Variants in CD300LG observed in about 807,000 individuals in gnomAD.
CD300LG encodes CD300 molecule like family member g.
CD300LG carries 29 observed loss-of-function variants against 31.5 expected under a neutral mutation model. That is an observed-to-expected ratio of 0.92 (90% CI 0.68 to 1.25). The LOEUF is 1.25. Among genes scored for constraint, CD300LG ranks in the 50% most tolerant of loss-of-function variants. The probability of loss-of-function intolerance (pLI) is 0.00; values close to 1 mark genes in which losing one functional copy is unlikely to be tolerated. For synonymous variants in CD300LG, 175 were observed against 177.2 expected (o/e 0.99, Z 0.10); for missense variants, 396 against 417.6 (o/e 0.95, Z 0.45).
intron 6 of CD300LG, chr17:43,858,186 G>T: frequency 8.6e-7 from 1 of 1,169,004 alleles, no homozygotes; most frequent in Non-Finnish European, 1.1e-6. Context: ...GGTCTGGGGT[G>T]GAAATGGGAC....
chr17:43,852,756 G>T (rs2046395246), intron 2 of CD300LG, among the ~76,000 whole-genome samples, 156 bp from the exon 3 acceptor site: 1 of 152,232 alleles, frequency 6.6e-6, no homozygotes, highest in Non-Finnish European at 1.5e-5. Context: ...CCAGGGATCT[G>T]CTGGAACCCG....
At position 43,855,218 on chromosome 17, in the gene CD300LG, C is replaced by T. The variant is rs373605771; in HGVS notation, c.731C>T (p.Pro244Leu). ...CGTCTCGTCTCCAGGGTGTCCATCC[C>T]GATGGTCCGCATACTGGCCCCAGTC... ...SGSSKPRVSI[P>L]MVRILAPVLV... is the part of the protein sequence containing the mutation. Residue 244 changes from proline to leucine, a missense_variant, in exon 5 of 7, where the codon CCG (proline) becomes CTG (leucine). Transcript: ENST00000317310. The T allele has an allele frequency of 1.9e-6, 3 of 1,605,766 alleles. No homozygotes were observed. Among genetic ancestry groups the T allele is most frequent in the African/African-American group, 2.7e-5 (2 of 74,682 alleles).
chr17:43,856,717 G>A (rs544134262), intron 5 of CD300LG, among the ~76,000 whole-genome samples: 1 of 152,328 alleles, frequency 6.6e-6, no homozygotes, highest in Non-Finnish European at 1.5e-5. Context: ...GCTAGCAGCG[G>A]TGGCAACCCT....
Position 43,855,189 on chromosome 17 carries a change from CT to C in CD300LG, c.720-16del. ...TTATCTGGTAACAGCCACTAGGCTC[CT>C]TGCGTCTCGTCTCCAGGGTGTCCAT... On this transcript the variant is annotated splice_polypyrimidine_tract_variant and intron_variant, in intron 4 of 6. Coordinates refer to ENST00000317310, the MANE Select transcript of CD300LG (RefSeq NM_145273.4). The C allele has an allele frequency of 6.4e-7, 1 of 1,569,670 alleles. No individual in the cohort carries two copies.
At chr17:43,857,501 T>C (rs1481521757) in intron 6 of CD300LG, 2 of 1,517,490 alleles carry the variant, frequency 1.3e-6, no homozygotes, top group Admixed American at 3.9e-5. Flanking sequence ...GATGAAGCCT[T>C]TGAGATCTCT....
Position 43,848,737 on chromosome 17 carries a change from A to G in CD300LG, c.223A>G (p.Met75Val). 6.2e-7 allele frequency: 1 copy of G among 1,614,118 alleles called. No homozygotes were observed. The highest frequency in any genetic ancestry group is 8.5e-7 in the Non-Finnish European group (1 of 1,180,022). Residue 75 changes from methionine (M) to valine (V), a missense_variant, in exon 2 of 7, where the codon ATG becomes GTG. Coordinates refer to ENST00000317310, the MANE Select transcript of CD300LG (RefSeq NM_145273.4). Reference sequence around the variant, plus strand: ...TGCAGAAGAAGAAGGCCAGGAGACAATGAAGGGCAGGGTGTCCATCCGTGA... The same window carrying G: ...TGCAGAAGAAGAAGGCCAGGAGACAGTGAAGGGCAGGGTGTCCATCCGTGA... The part of the protein sequence containing the change: ...IYAEEEGQET[M>V]KGRVSIRDSR...
At chr17:43,850,991 C>T (rs555469899) in intron 2 of CD300LG, among the ~76,000 whole-genome samples, 4 of 151,828 alleles carry the variant, frequency 2.6e-5, no homozygotes, top group Admixed American at 1.3e-4. Context: ...AAAAATTAGC[C>T]GGGCATAGTG....
chr17:43,849,905 T>C (rs992062576), intron 2 of CD300LG: 4 of 152,160 alleles, frequency 2.6e-5, no homozygotes, highest in African/African-American at 9.7e-5. Context: ...ACTTGCCAAA[T>C]AGCAGCAGCA....
intron 2 of CD300LG, among the ~76,000 whole-genome samples, chr17:43,851,373 G>T (rs1395295698): frequency 6.6e-6 from 1 of 152,148 alleles, no homozygotes. Flanking sequence ...TTGGATTTCA[G>T]ATTCCTGGAT....
intron 2 of CD300LG, among the ~76,000 whole-genome samples, chr17:43,852,039 A>G (rs1236238681): frequency 6.6e-6 from 1 of 152,106 alleles, no homozygotes; most frequent in African/African-American, 2.4e-5. Context: ...CAGAGATGGA[A>G]AGGAAAGGCA....
intron 5 of CD300LG, 160 bp downstream of exon 5, chr17:43,855,479 C>T: frequency 2.1e-6 from 1 of 471,598 alleles, no homozygotes; most frequent in South Asian, 3.9e-5. Flanking sequence ...CTGAAGGAGC[C>T]ACGAGGTAGT....
In CD300LG at chr17:43,849,173, A is replaced by G. The variant is rs562632466; in HGVS notation, c.379+280A>G. On this transcript the variant is annotated intron_variant, in intron 2 of 6. Transcript: ENST00000317310. ...GGCTCGGCGCCTTTCCTTTCTGCCCAGGTGTGCTGGAGGGAGATTTCCATA... is the reference window on the plus strand; with the variant it reads ...GGCTCGGCGCCTTTCCTTTCTGCCCGGGTGTGCTGGAGGGAGATTTCCATA... 10 of 548,084 alleles carry G rather than the reference A, an allele frequency of 1.8e-5. No homozygotes were observed. In the African/African-American group the frequency reaches 1.9e-4, roughly 10 times the overall value. The allele number at this position is 548,084 out of a possible 1,614,324, so 34.0% of individuals were successfully genotyped here. A position where few individuals can be genotyped will look rare whatever the true frequency, so the allele number is the denominator to read the frequency against.
chr17:43,848,467 C>G (rs1001027184), intron 1 of CD300LG, 91 bp from the exon 2 acceptor site: 2 of 1,057,600 alleles, frequency 1.9e-6, no homozygotes, highest in Non-Finnish European at 2.8e-6. Flanking sequence ...TGAGAAAAGC[C>G]TTCCTTCTTC....
rs917137292 is a variant in CD300LG at position 43,862,145 on chromosome 17, T to TG, written c.*235dup. 2.5e-6 allele frequency: 1 copy of TG among 394,090 alleles called. No individual in the cohort carries two copies. The highest frequency in any genetic ancestry group is 2.1e-5 in the African/African-American group (1 of 48,140). The allele number at this position is 394,090 out of a possible 1,614,324, so 24.4% of individuals were successfully genotyped here. ...TTCCGGCTGGAGACTGGGACATCCC[T>TG]GATAGGTTCACATCCCTGGGCAGAG... On this transcript the variant is annotated 3_prime_UTR_variant, in exon 7 of 7. Transcript: ENST00000317310.
At position 43,853,025 on chromosome 17, in the gene CD300LG, G is replaced by C. The variant is rs1205099778; in HGVS notation, c.481+12G>C. The C allele has an allele frequency of 6.2e-7, 1 of 1,602,458 alleles. No homozygotes were observed. Among genetic ancestry groups the C allele is most frequent in the Admixed American group, 1.7e-5 (1 of 59,038 alleles). The stretch of plus-strand genomic sequence containing the variant: ...GCCCCCAGGATTGAGTGAGTGAATG[G>C]CAATTCCGCCCCTTCCCTTGCCACC... On this transcript the variant is annotated intron_variant, in intron 3 of 6. Coordinates refer to ENST00000317310, the MANE Select transcript of CD300LG (RefSeq NM_145273.4).
chr17:43,862,087 T>G lies in CD300LG; in HGVS notation c.*176T>G. 2.0e-6 allele frequency: 1 copy of G among 500,174 alleles called. No homozygotes were observed. Among genetic ancestry groups the G allele is most frequent in the Non-Finnish European group, 3.5e-6 (1 of 284,220 alleles). 31.0% of individuals were successfully genotyped at this position (500,174 alleles called of 1,614,324 possible). Reference sequence around the variant, plus strand: ...TTCCAGCCTGACCTAGAAGCGTTTGTCAGCCCTGGAGCCCAGAGCGGTGGC... The same window carrying G: ...TTCCAGCCTGACCTAGAAGCGTTTGGCAGCCCTGGAGCCCAGAGCGGTGGC... On this transcript the variant is annotated 3_prime_UTR_variant, in exon 7 of 7. Coordinates refer to ENST00000317310, the MANE Select transcript of CD300LG (RefSeq NM_145273.4).
chr17:43,848,275 A>C lies in CD300LG; in HGVS notation c.44-283A>C, dbSNP rs187167789. On this transcript the variant is annotated intron_variant, in intron 1 of 6. Transcript: ENST00000317310. ...ACAAACAAACAAACAAAACAAAACAAAACACTCAGAAACCCTGCTGGCTAT... is the reference window on the plus strand; with the variant it reads ...ACAAACAAACAAACAAAACAAAACACAACACTCAGAAACCCTGCTGGCTAT... 9.9e-5 allele frequency among the ~76,000 whole-genome samples: 15 copies of C among 152,194 alleles called. No homozygotes were observed. In the East Asian group the frequency reaches 2.5e-3, roughly 25 times the overall value.
chr17:43,859,191 C>T (rs1455126678), intron 6 of CD300LG, among the ~76,000 whole-genome samples: 3 of 152,090 alleles, frequency 2.0e-5, no homozygotes, highest in African/African-American at 7.2e-5. Context: ...GTTCGCAGCC[C>T]AAGACTCCTC....
chr17:43,861,845 G>C lies in CD300LG; in HGVS notation c.933G>C (p.Val311=), dbSNP rs766535643. ...EAPSQAPEGD[V]ISMPPLHTSE... is the part of the protein sequence containing the mutation. ...CTTCCCAGGCCCCTGAGGGGGACGT[G>C]ATCTCGATGCCTCCCCTCCACACAT... Residue 311 remains valine, a synonymous_variant, in exon 7 of 7, where the codon GTG becomes GTC. Transcript: ENST00000317310. 1.2e-6 allele frequency: 2 copies of C among 1,612,742 alleles called. No homozygotes were observed. Among genetic ancestry groups the C allele is most frequent in the African/African-American group, 2.7e-5 (2 of 74,876 alleles).
Sources: allele counts gnomAD v4.1 joint callset (sites outside exome capture counted in the v4.1 genomes callset), GRCh38; gene constraint gnomAD v4.1.1; transcripts MANE v1.5; gene names NCBI Gene and HGNC (gene_info 2026-07-23, HGNC 2026-07-21).